URGCP: variants seen among roughly 807,000 people sequenced by gnomAD.
URGCP encodes the protein up-regulator of cell proliferation.
URGCP carries 13 observed loss-of-function variants against 24.6 expected under a neutral mutation model. That is an observed-to-expected ratio of 0.53 (90% CI 0.34 to 0.84). The LOEUF (loss-of-function observed/expected upper bound fraction) is 0.84, where lower values mean the gene tolerates loss of function less well. Among genes scored for constraint, URGCP ranks in the 40% least tolerant of loss-of-function variants. URGCP has a pLI of 0.01. For synonymous variants in URGCP, 444 were observed against 487.2 expected (o/e 0.91, Z 1.17); for missense variants, 899 against 1,194.3 (o/e 0.75, Z 3.64).
chr7:43,911,246 CA>C (rs1323291402), upstream of URGCP, among the ~76,000 whole-genome samples: 5 of 151,744 alleles, frequency 3.3e-5, no homozygotes, highest in African/African-American at 1.2e-4. Flanking sequence ...ACTAAAAATA[CA>C]AAAATTAGCT....
chr7:43,912,845 C>T (rs139079418), intron 1 of URGCP, among the ~76,000 whole-genome samples: 2,496 of 151,350 alleles, frequency 0.016, 45 homozygotes, highest in Middle Eastern at 0.079. Flanking sequence ...CTTAATTTCT[C>T]CTTCAATTTT....
intron 5 of URGCP, among the ~76,000 whole-genome samples, chr7:43,881,443 G>GTTAC (rs1276281953): frequency 6.8e-6 from 1 of 147,260 alleles, no homozygotes; most frequent in Non-Finnish European, 1.5e-5. Flanking sequence ...GGGGGGCCTG[G>GTTAC]TTACTCTATG....
chr7:43,879,843 T>G (rs1162162961), intron 5 of URGCP: 1 of 152,186 alleles, frequency 6.6e-6, no homozygotes, highest in Non-Finnish European at 1.5e-5. Flanking sequence ...GCATAAAGAG[T>G]CAGCAATTAT....
At chr7:43,886,597 C>T (rs2095862534) in intron 3 of URGCP, among the ~76,000 whole-genome samples, 1 of 151,858 alleles carries the variant, frequency 6.6e-6, no homozygotes, top group Non-Finnish European at 1.5e-5. Flanking sequence ...ACTAAAAATA[C>T]AAAAAATTAG....
intron 1 of URGCP, among the ~76,000 whole-genome samples, chr7:43,892,219 A>ATTTT (rs34553486): frequency 8.0e-5 from 10 of 125,364 alleles, no homozygotes; most frequent in African/African-American, 1.5e-4. Context: ...CGCCCAGCCA[A>ATTTT]TTTTTTTTTT....
At position 43,879,100 on chromosome 7, in the gene URGCP, C is replaced by T. The variant is rs760587331; in HGVS notation, c.363G>A (p.Lys121=). ...PKDLPWNFLR[K]LQALNADARN... is the part of the protein sequence containing the mutation. Reference sequence around the variant, plus strand: ...TGGCATCAGCATTGAGGGCCTGCAACTTCCTGAGGAAATTCCAGGGCAAGT... The same window carrying T: ...TGGCATCAGCATTGAGGGCCTGCAATTTCCTGAGGAAATTCCAGGGCAAGT... The change falls in exon 6 of 6, where the codon AAG becomes AAA. Residue 121 remains lysine, a synonymous_variant. Transcript: ENST00000453200. 4 of 1,614,110 alleles carry T rather than the reference C, an allele frequency of 2.5e-6. No individual in the cohort carries two copies. The highest frequency in any genetic ancestry group is 3.4e-6 in the Non-Finnish European group (4 of 1,180,060).
intron 1 of URGCP, chr7:43,919,831 T>C: frequency 1.6e-6 from 2 of 1,272,394 alleles, no homozygotes; most frequent in East Asian, 4.6e-5. Flanking sequence ...GGGCGCATGA[T>C]GGCCAACCAC....
At chr7:43,897,427 G>C (rs889826148) in intron 1 of URGCP, among the ~76,000 whole-genome samples, 1 of 151,994 alleles carries the variant, frequency 6.6e-6, no homozygotes, top group African/African-American at 2.4e-5. Context: ...AGGCATAGCC[G>C]GGGCAAAGGC....
At chr7:43,911,325 C>CAGG, upstream of URGCP, among the ~76,000 whole-genome samples, 1 of 152,056 alleles carries the variant, frequency 6.6e-6, no homozygotes, top group East Asian at 1.9e-4. Flanking sequence ...TGTGTGAACC[C>CAGG]AGGAGGTGGA....
chr7:43,905,130 G>A (rs964385374), intron 1 of URGCP, among the ~76,000 whole-genome samples: 1 of 151,692 alleles, frequency 6.6e-6, no homozygotes, highest in African/African-American at 2.4e-5. Context: ...AAACACCAGT[G>A]AAGCATTAAG....
intron 1 of URGCP, among the ~76,000 whole-genome samples, chr7:43,913,899 A>T (rs567000466): frequency 5.3e-5 from 8 of 152,222 alleles, no homozygotes; most frequent in African/African-American, 1.9e-4. Context: ...GGTTTTTACC[A>T]TGTTGGCCAG....
Position 43,878,661 on chromosome 7 carries a change from T to C in URGCP, c.802A>G (p.Met268Val), listed in dbSNP as rs1225508182. 1 of 1,613,378 alleles carries C rather than the reference T, an allele frequency of 6.2e-7. No homozygotes were observed. Among genetic ancestry groups the C allele is most frequent in the African/African-American group, 1.3e-5 (1 of 74,936 alleles). ...GACTTGGAGTTGCTACTGACGTCCA[T>C]GCGCACGAAGGCGAAGGCGGGCGCC... Reference protein sequence around the residue: ...SRAPAFAFVRMDVSSNSKSQL... With the variant: ...SRAPAFAFVRVDVSSNSKSQL... Residue 268 changes from methionine (M) to valine (V), a missense_variant, in exon 6 of 6, where the codon ATG becomes GTG. Physicochemically the swap from Met to Val is conservative, Grantham distance 21. Coordinates refer to ENST00000453200, the MANE Select transcript of URGCP (RefSeq NM_001077663.3). This position sits in a 1 kb window ranked among gnomAD's most constrained non-coding sequence, Gnocchi z 5.6.
At chr7:43,922,260 C>A (rs1443352834) in intron 1 of URGCP, among the ~76,000 whole-genome samples, 1 of 152,156 alleles carries the variant, frequency 6.6e-6, no homozygotes, top group African/African-American at 2.4e-5. Context: ...CAGGGTTTCA[C>A]CATGTTGGCC....
At chr7:43,895,295 G>A (rs368931772) in intron 1 of URGCP, among the ~76,000 whole-genome samples, 14 of 151,938 alleles carry the variant, frequency 9.2e-5, no homozygotes, top group African/African-American at 2.4e-4. Flanking sequence ...AGAAATAAAC[G>A]AAAAAATGCT....
intron 1 of URGCP, among the ~76,000 whole-genome samples, chr7:43,903,970 G>C (rs2730623): frequency 0.39 from 59,147 of 152,064 alleles, 11,806 homozygotes; most frequent in South Asian, 0.58. Context: ...AGCCAAGCAA[G>C]GGGCAAAGAC....
upstream of URGCP, chr7:43,906,754 G>A (rs1401574835): frequency 7.1e-6 from 2 of 282,632 alleles, no homozygotes; most frequent in African/African-American, 4.6e-5. Context: ...CCCGGGGACA[G>A]CTGGGGCGGG....
Position 43,879,139 on chromosome 7 carries a change from A to G in URGCP, c.324T>C (p.Pro108=). 6.2e-7 allele frequency: 1 copy of G among 1,614,160 alleles called. No individual in the cohort carries two copies. ...ISFDSMKNWA[P]QVPKDLPWNF... Reference sequence around the variant, plus strand: ...TCCAGGGCAAGTCTTTGGGAACCTGAGGGGCCCAGTTCTTCATACTGTCAA... The same window carrying G: ...TCCAGGGCAAGTCTTTGGGAACCTGGGGGGCCCAGTTCTTCATACTGTCAA... Residue 108 remains proline, a synonymous_variant, in exon 6 of 6, where the codon CCT becomes CCC. Transcript: ENST00000453200.
At chr7:43,880,966 CAG>C (rs911352542) in intron 5 of URGCP, among the ~76,000 whole-genome samples, 64 of 152,214 alleles carry the variant, frequency 4.2e-4, no homozygotes, top group African/African-American at 1.5e-3. Context: ...ACACTCTGCT[CAG>C]AGAGTTCCAC....
chr7:43,910,382 ATTTTTTTTTTTT>A (rs1158648185), upstream of URGCP, among the ~76,000 whole-genome samples: 1 of 90,102 alleles, frequency 1.1e-5, no homozygotes, highest in African/African-American at 4.7e-5. Flanking sequence ...TGTCTGGCTA[ATTTTTTTTTTTT>A]TTTTTTTTTT....
Sources: allele counts gnomAD v4.1 joint callset (sites outside exome capture counted in the v4.1 genomes callset), GRCh38; gene constraint gnomAD v4.1.1; non-coding constraint Gnocchi (gnomAD v3.1); transcripts MANE v1.5; gene names NCBI Gene and HGNC (gene_info 2026-07-23, HGNC 2026-07-21).